SBF2: variants seen among roughly 807,000 people sequenced by gnomAD.
SBF2 encodes the protein SET binding factor 2, also known as myotubularin-related protein 13.
In SBF2, 112 loss-of-function variants were observed where a neutral mutation model predicts 225.2. The observed-to-expected ratio is 0.50, with a 90% confidence interval of 0.43 to 0.58. SBF2 has a LOEUF of 0.58. Ranked by LOEUF, SBF2 falls within the 20% of genes least tolerant of loss-of-function variation. SBF2 has a pLI of 0.00. For missense variants in SBF2, 1,996 were observed against 2,206.2 expected (o/e 0.90, Z 1.91); for synonymous variants, 763 against 773.3 (o/e 0.99, Z 0.22).
chr11:9,904,002 T>A (rs1861934803), intron 16 of SBF2, among the ~76,000 whole-genome samples: 1 of 152,130 alleles, frequency 6.6e-6, no homozygotes, highest in Admixed American at 6.5e-5. Context: ...TTTATCACTT[T>A]TAGAGAGGCA....
chr11:10,043,168 T>C (rs368102035), intron 2 of SBF2, among the ~76,000 whole-genome samples, 187 bp from the exon 3 acceptor site: 39 of 152,294 alleles, frequency 2.6e-4, no homozygotes, highest in South Asian at 8.3e-4. Flanking sequence ...CCAATGTGCA[T>C]ATATATTTCA....
At chr11:10,164,501 T>C (rs999603510) in intron 2 of SBF2, among the ~76,000 whole-genome samples, 2 of 152,164 alleles carry the variant, frequency 1.3e-5, no homozygotes, top group South Asian at 2.1e-4. Flanking sequence ...ATAGAATCGA[T>C]AGTCAAAGAC....
In SBF2 at chr11:10,294,096, G is replaced by A. The variant is rs1032915786; in HGVS notation, c.-27C>T. On this transcript the variant is annotated 5_prime_UTR_variant, in exon 1 of 40. Transcript: ENST00000256190. ...GCCGCCGCCGCCGCGCTCGGGAAGC[G>A]GGTCCCCGTCGCCGCCCTCGCCGCC... 50 of 1,338,656 alleles carry A rather than the reference G, an allele frequency of 3.7e-5. No homozygotes were observed. The highest frequency in any genetic ancestry group is 4.7e-5 in the Non-Finnish European group (49 of 1,045,872). 82.9% of individuals were successfully genotyped at this position (1,338,656 alleles called of 1,614,324 possible).
At chr11:9,973,438 C>T (rs1319993675) in intron 13 of SBF2, among the ~76,000 whole-genome samples, 4 of 152,170 alleles carry the variant, frequency 2.6e-5, no homozygotes, top group Admixed American at 2.0e-4. Flanking sequence ...TAAACACTTA[C>T]AGTGAACCTG....
At chr11:10,136,720 T>C (rs1325846082) in intron 2 of SBF2, among the ~76,000 whole-genome samples, 1 of 152,240 alleles carries the variant, frequency 6.6e-6, no homozygotes, top group Non-Finnish European at 1.5e-5. Flanking sequence ...AGTTAAACTA[T>C]AGGACACTCT....
chr11:10,128,868 T>C (rs1953888697), intron 2 of SBF2, among the ~76,000 whole-genome samples: 1 of 152,232 alleles, frequency 6.6e-6, no homozygotes, highest in African/African-American at 2.4e-5. Flanking sequence ...CCACATTTGC[T>C]AATAAATACA....
chr11:9,806,549 G>C (rs760865371), intron 32 of SBF2, among the ~76,000 whole-genome samples: 1 of 152,152 alleles, frequency 6.6e-6, no homozygotes, highest in Non-Finnish European at 1.5e-5. Context: ...GCCAAAAGGA[G>C]TATGAATAAA....
intron 13 of SBF2, among the ~76,000 whole-genome samples, chr11:9,975,692 G>T (rs999239888): frequency 6.6e-6 from 1 of 152,052 alleles, no homozygotes; most frequent in Admixed American, 6.6e-5. Flanking sequence ...CGGGAGGGGG[G>T]TTCAATTTGA....
chr11:9,780,574 G>T, intron 39 of SBF2, 58 bp from the exon 40 acceptor site: 1 of 1,420,638 alleles, frequency 7.0e-7, no homozygotes, highest in Non-Finnish European at 9.9e-7. Context: ...TTATGGATTT[G>T]GGTAAGTGGT....
intron 10 of SBF2, among the ~76,000 whole-genome samples, 190 bp downstream of exon 10, chr11:9,993,731 G>A (rs530377022): frequency 3.3e-5 from 5 of 152,288 alleles, no homozygotes; most frequent in Admixed American, 6.5e-5. Context: ...CTTGCCCAGT[G>A]AACTTCCCTG....
At chr11:9,821,778 GTATACAT>G (rs1296222818) in intron 28 of SBF2, among the ~76,000 whole-genome samples, 5 of 152,220 alleles carry the variant, frequency 3.3e-5, no homozygotes, top group African/African-American at 1.2e-4. Context: ...TTGTTTTAGT[GTATACAT>G]TATACATTTT....
At chr11:10,123,745 C>T (rs1953597441) in intron 2 of SBF2, among the ~76,000 whole-genome samples, 2 of 151,904 alleles carry the variant, frequency 1.3e-5, no homozygotes, top group African/African-American at 4.8e-5. Context: ...TTATTGTCTG[C>T]ATTATTCAGA....
intron 1 of SBF2, among the ~76,000 whole-genome samples, chr11:10,202,394 C>T (rs1245769515): frequency 1.3e-5 from 2 of 152,248 alleles, no homozygotes; most frequent in African/African-American, 4.8e-5. Flanking sequence ...TTCAAGTTTC[C>T]GGCAGTCTAG....
chr11:10,234,712 C>T (rs578033024), intron 1 of SBF2, among the ~76,000 whole-genome samples: 2 of 152,254 alleles, frequency 1.3e-5, no homozygotes, highest in East Asian at 3.9e-4. Flanking sequence ...TCAAAATTAT[C>T]TTCAAATTCA....
At chr11:10,005,187 G>A (rs1444842673) in intron 6 of SBF2, among the ~76,000 whole-genome samples, 3 of 152,164 alleles carry the variant, frequency 2.0e-5, no homozygotes, top group Admixed American at 6.5e-5. Context: ...GTTGGCGAGC[G>A]GGCTCATGCC....
At chr11:9,882,566 T>C (rs1859869186) in intron 17 of SBF2, among the ~76,000 whole-genome samples, 1 of 152,102 alleles carries the variant, frequency 6.6e-6, no homozygotes, top group Non-Finnish European at 1.5e-5. Context: ...CCCAGCACTT[T>C]GGGAGGCCAA....
chr11:10,197,449 C>T (rs1957419291), intron 1 of SBF2, among the ~76,000 whole-genome samples: 2 of 152,204 alleles, frequency 1.3e-5, no homozygotes, highest in South Asian at 4.1e-4. Flanking sequence ...AAAAGATGTA[C>T]ATGCTTTAAT....
At chr11:9,984,041 C>T (rs1400316847) in intron 13 of SBF2, among the ~76,000 whole-genome samples, 1 of 152,172 alleles carries the variant, frequency 6.6e-6, no homozygotes, top group Non-Finnish European at 1.5e-5. Context: ...CCCCAAAAAT[C>T]ACACTAGTTC....
intron 4 of SBF2, 115 bp from the exon 5 acceptor site, chr11:10,029,990 T>A: frequency 1.3e-6 from 1 of 773,152 alleles, no homozygotes; most frequent in Admixed American, 1.9e-5. Context: ...TATTATACAG[T>A]GAACATGGAA....
Sources: gnomAD v4.1 joint callset for allele counts (sites outside exome capture counted in the v4.1 genomes callset) on GRCh38, gnomAD v4.1.1 for gene constraint, MANE v1.5 for transcripts, NCBI Gene and HGNC (gene_info 2026-07-23, HGNC 2026-07-21) for gene names.